IL1RAPL1: variants seen among roughly 807,000 people sequenced by gnomAD.
IL1RAPL1 encodes the protein interleukin 1 receptor accessory protein like 1, also known as interleukin-1 receptor accessory protein-like 1.
IL1RAPL1 carries 3 observed loss-of-function variants against 48.4 expected under a neutral mutation model. The ratio of observed to expected loss-of-function variants is 0.06; its 90% CI spans 0.03 to 0.16. IL1RAPL1 has a LOEUF of 0.16. Among genes scored for constraint, IL1RAPL1 ranks in the 10% least tolerant of loss-of-function variants. IL1RAPL1 has a pLI of 1.00. For synonymous variants in IL1RAPL1, 185 were observed against 187.7 expected (o/e 0.99, Z 0.12); for missense variants, 349 against 530.6 (o/e 0.66, Z 3.36).
intron 6 of IL1RAPL1, among the ~76,000 whole-genome samples, chrX:29,710,357 T>TC (rs1472067996): frequency 9.1e-6 from 1 of 109,629 alleles, no homozygotes; most frequent in Non-Finnish European, 1.9e-5. Flanking sequence ...TTGTTGAGTT[T>TC]TTTTTTTTAA....
chrX:29,120,952 G>A (rs2038114577), intron 2 of IL1RAPL1, among the ~76,000 whole-genome samples: 1 of 112,004 alleles, frequency 8.9e-6, no homozygotes, highest in African/African-American at 3.2e-5. Context: ...CTTAATTAAT[G>A]TAATCTAAAA....
chrX:28,738,625 C>T (rs932364843), intron 1 of IL1RAPL1, among the ~76,000 whole-genome samples: 2 of 111,117 alleles, frequency 1.8e-5, no homozygotes, highest in African/African-American at 6.6e-5. Flanking sequence ...GGTGCAAAGG[C>T]CATAAGGCAG....
intron 6 of IL1RAPL1, among the ~76,000 whole-genome samples, chrX:29,865,934 G>C (rs1442766755): frequency 1.8e-5 from 2 of 109,821 alleles, no homozygotes; most frequent in African/African-American, 6.6e-5. Context: ...ACAGGCGTGA[G>C]CCACTGTGCC....
chrX:28,645,615 C>T (rs750673267), intron 1 of IL1RAPL1, among the ~76,000 whole-genome samples: 2 of 110,084 alleles, frequency 1.8e-5, no homozygotes, highest in African/African-American at 3.3e-5. Context: ...AAAGGTAACC[C>T]GGGTCACCAT....
intron 2 of IL1RAPL1, among the ~76,000 whole-genome samples, chrX:28,812,244 A>G (rs924840211): frequency 9.0e-6 from 1 of 110,957 alleles, no homozygotes; most frequent in African/African-American, 3.3e-5. Flanking sequence ...TTTTCAGGCA[A>G]GCACCCAATT....
chrX:29,407,652 T>C (rs147904504), intron 5 of IL1RAPL1, among the ~76,000 whole-genome samples: 1,364 of 111,758 alleles, frequency 0.012, 22 homozygotes, highest in African/African-American at 0.042. Context: ...TTCTGTAGGA[T>C]TTTTACCTAG....
At chrX:29,404,447 A>G (rs1218821044) in intron 5 of IL1RAPL1, among the ~76,000 whole-genome samples, 3 of 110,999 alleles carry the variant, frequency 2.7e-5, no homozygotes, top group Non-Finnish European at 5.7e-5. Flanking sequence ...CTTTTTAGAT[A>G]TATATTTTAG....
At chrX:28,960,536 C>T (rs939157702) in intron 2 of IL1RAPL1, among the ~76,000 whole-genome samples, 5 of 111,251 alleles carry the variant, frequency 4.5e-5, no homozygotes, top group African/African-American at 1.6e-4. Flanking sequence ...TTAAGAGAAA[C>T]CTTCAAAAGG....
chrX:28,913,219 T>C (rs1923403302), intron 2 of IL1RAPL1, among the ~76,000 whole-genome samples: 2 of 111,836 alleles, frequency 1.8e-5, no homozygotes, highest in Admixed American at 9.6e-5. Flanking sequence ...ATTTTGGAGA[T>C]AATTATTTCA....
At chrX:29,710,622 A>AAT (rs1312551481) in intron 6 of IL1RAPL1, among the ~76,000 whole-genome samples, 2 of 104,992 alleles carry the variant, frequency 1.9e-5, no homozygotes, top group Admixed American at 1.0e-4. Context: ...ATATATATAT[A>AAT]ATATATATAT....
At chrX:29,639,291 G>A (rs753479630) in intron 5 of IL1RAPL1, among the ~76,000 whole-genome samples, 3 of 111,394 alleles carry the variant, frequency 2.7e-5, no homozygotes, top group African/African-American at 9.8e-5. Flanking sequence ...AGACATGCCT[G>A]GCTCTAATTG....
intron 1 of IL1RAPL1, among the ~76,000 whole-genome samples, chrX:28,700,527 T>G (rs1935283095): frequency 9.2e-6 from 1 of 109,058 alleles, no homozygotes; most frequent in African/African-American, 3.3e-5. Context: ...CTCTGGAACC[T>G]CTACTCTTTT....
At chrX:29,459,080 A>G (rs1015038271) in intron 5 of IL1RAPL1, among the ~76,000 whole-genome samples, 3 of 111,963 alleles carry the variant, frequency 2.7e-5, no homozygotes, top group African/African-American at 9.7e-5. Flanking sequence ...AACACTATCT[A>G]GACAACATAA....
At chrX:28,612,195 C>A (rs757652847) in intron 1 of IL1RAPL1, among the ~76,000 whole-genome samples, 20 of 111,833 alleles carry the variant, frequency 1.8e-4, no homozygotes, top group Non-Finnish European at 3.4e-4. Flanking sequence ...CTGGCTCTGT[C>A]CTGCACTGCG....
intron 6 of IL1RAPL1, among the ~76,000 whole-genome samples, chrX:29,845,548 C>T (rs1931229921): frequency 8.9e-6 from 1 of 111,864 alleles, no homozygotes; most frequent in Non-Finnish European, 1.9e-5. Context: ...AATATTAACA[C>T]AAAACATGAA....
At chrX:28,747,080 A>G (rs894194663) in intron 1 of IL1RAPL1, among the ~76,000 whole-genome samples, 1 of 111,050 alleles carries the variant, frequency 9.0e-6, no homozygotes. Flanking sequence ...ATGACATTCT[A>G]GTCTAAACAT....
intron 2 of IL1RAPL1, among the ~76,000 whole-genome samples, chrX:29,093,686 A>G (rs1167296928): frequency 8.9e-6 from 1 of 112,327 alleles, no homozygotes; most frequent in East Asian, 2.8e-4. Flanking sequence ...AATCCTCACT[A>G]CAACCTTCCT....
intron 6 of IL1RAPL1, among the ~76,000 whole-genome samples, chrX:29,748,155 A>G (rs1483947032): frequency 8.9e-6 from 1 of 112,001 alleles, no homozygotes; most frequent in East Asian, 2.8e-4. Flanking sequence ...ATTCCAGAGT[A>G]TGTGCTGAAT....
intron 3 of IL1RAPL1, among the ~76,000 whole-genome samples, chrX:29,314,201 G>A (rs966415741): frequency 2.7e-5 from 3 of 112,090 alleles, no homozygotes; most frequent in Non-Finnish European, 5.6e-5. Flanking sequence ...TCTGAAGACA[G>A]TGGTTGAAGG....
Sources: allele counts gnomAD v4.1 joint callset (sites outside exome capture counted in the v4.1 genomes callset), GRCh38; gene constraint gnomAD v4.1.1; transcripts MANE v1.5; gene names NCBI Gene and HGNC (gene_info 2026-07-23, HGNC 2026-07-21).